Variants in WDR27 observed in about 807,000 individuals in gnomAD.
The protein encoded by WDR27 is WD repeat domain 27, also known as WD repeat-containing protein 27.
Under a neutral mutation model 114.4 loss-of-function variants are expected in WDR27, and 100 were observed. The ratio of observed to expected loss-of-function variants is 0.87; its 90% CI spans 0.74 to 1.03. The LOEUF (loss-of-function observed/expected upper bound fraction) is 1.03, where lower values mean the gene tolerates loss of function less well. Ranked by LOEUF, WDR27 falls within the 50% of genes least tolerant of loss-of-function variation. The pLI, the probability that WDR27 is intolerant of heterozygous loss-of-function variation, is 0.00. For synonymous variants in WDR27, 449 were observed against 423.1 expected (o/e 1.06, Z -0.75); for missense variants, 1,129 against 1,092.9 (o/e 1.03, Z -0.47).
chr6:169,429,208 A>T, the WDR27 span, among the ~76,000 whole-genome samples: 1 of 152,082 alleles, frequency 6.6e-6, no homozygotes, highest in African/African-American at 2.4e-5. Flanking sequence ...TCCTGTCCAC[A>T]GGCCTGAGGA....
chr6:169,496,855 T>G (rs1790471478), intron 25 of WDR27, among the ~76,000 whole-genome samples: 1 of 152,108 alleles, frequency 6.6e-6, no homozygotes. Flanking sequence ...TGTTAAAATA[T>G]CTATATTACC....
intron 13 of WDR27, among the ~76,000 whole-genome samples, chr6:169,657,345 C>T (rs75010113): frequency 0.079 from 11,978 of 152,246 alleles, 573 homozygotes; most frequent in African/African-American, 0.1. Context: ...TCAAGGGCTG[C>T]GTGGGAGCAT....
At position 169,668,317 on chromosome 6, in the gene WDR27, A is replaced by C. The variant is rs574652039; in HGVS notation, c.457-132T>G. ...CAGGCACAGTCTCAGCAGTGTTAAA[A>C]GCCGACACTGACTGGAGCTAACCCT... On this transcript the variant is annotated intron_variant, in intron 4 of 25. Coordinates refer to ENST00000448612, the MANE Select transcript of WDR27 (RefSeq NM_182552.5). 5.8e-6 allele frequency: 5 copies of C among 860,476 alleles called. No individual in the cohort carries two copies. The East Asian group carries it at 1.3e-4, about 23-fold the overall frequency. 53.3% of individuals were successfully genotyped at this position (860,476 alleles called of 1,614,324 possible).
At chr6:169,531,944 G>C (rs1003850352) in intron 25 of WDR27, among the ~76,000 whole-genome samples, 2 of 152,164 alleles carry the variant, frequency 1.3e-5, no homozygotes, top group African/African-American at 4.8e-5. Context: ...TAACCAGTGT[G>C]ATGTGTTAAT....
Position 169,664,218 on chromosome 6 carries a change from C to G in WDR27, c.852G>C (p.Lys284Asn), listed in dbSNP as rs781042104. ...RRVARVDLRK[K>N]TETFSTRRVK... ...CCCTTCTTGTGGAGAAAGTCTCTGT[C>G]TTCTTCCTTAGGTCAACCCGTGCCA... is the stretch of plus-strand genomic sequence containing the variant. Residue 284 changes from lysine (K) to asparagine (N), a missense_variant, in exon 8 of 26, where the codon AAG becomes AAC. Physicochemically the swap from Lys to Asn is moderately conservative, Grantham distance 94. Transcript: ENST00000448612. 1.2e-6 allele frequency: 2 copies of G among 1,612,976 alleles called. No homozygotes were observed. Among genetic ancestry groups the G allele is most frequent in the East Asian group, 4.5e-5 (2 of 44,878 alleles).
chr6:169,541,881 G>A (rs532900359), intron 25 of WDR27, among the ~76,000 whole-genome samples: 5 of 152,108 alleles, frequency 3.3e-5, no homozygotes, highest in Admixed American at 3.3e-4. Context: ...TTTTCTTAAT[G>A]AATGACTATT....
rs1428749817 is a variant in WDR27 at position 169,651,184 on chromosome 6, G to GC, written c.1481+745_1481+746insG. 3.7e-3 allele frequency among the ~76,000 whole-genome samples: 347 copies of GC among 92,540 alleles called. 29 individuals are homozygous for GC. The highest frequency in any genetic ancestry group is 5.8e-3 in the Non-Finnish European group (288 of 49,732). The allele number at this position is 92,540 out of a possible 152,430, so 60.7% of individuals were successfully genotyped here. ...TGCCTGGAGCACAGCAGTGCGGGGC[G>GC]GGGGGGGGGAGTGGGGGAGTGGGGG... On this transcript the variant is annotated intron_variant, in intron 14 of 25. Coordinates refer to ENST00000448612, the MANE Select transcript of WDR27 (RefSeq NM_182552.5).
chr6:169,514,757 A>AATATATAT (rs112203960), intron 25 of WDR27, among the ~76,000 whole-genome samples: 1,976 of 143,506 alleles, frequency 0.014, 40 homozygotes, highest in African/African-American at 0.047. Context: ...AAAAAAAGAG[A>AATATATAT]ATATATATAT....
intron 25 of WDR27, among the ~76,000 whole-genome samples, chr6:169,529,312 C>CT (rs1795307417): frequency 8.7e-6 from 1 of 115,134 alleles, no homozygotes; most frequent in Admixed American, 1.0e-4. Context: ...GTGACCTCTG[C>CT]GGGGGGGGGG....
At chr6:169,626,744 C>T (rs1001302250) in intron 21 of WDR27, among the ~76,000 whole-genome samples, 3 of 152,170 alleles carry the variant, frequency 2.0e-5, no homozygotes, top group Admixed American at 1.3e-4. Flanking sequence ...ACTTCCTTGC[C>T]GAAATGGTCA....
intron 23 of WDR27, among the ~76,000 whole-genome samples, chr6:169,587,283 A>G (rs938577942): frequency 6.2e-4 from 91 of 147,936 alleles, no homozygotes; most frequent in African/African-American, 2.1e-3. Context: ...CAGTGGTGCA[A>G]TCTCAGCTCA....
At chr6:169,485,298 G>A (rs560975432) in intron 25 of WDR27, among the ~76,000 whole-genome samples, 71 of 152,202 alleles carry the variant, frequency 4.7e-4, no homozygotes, top group African/African-American at 1.5e-3. Context: ...TCCAGCATCC[G>A]TAAGGAACTG....
intron 25 of WDR27, among the ~76,000 whole-genome samples, chr6:169,502,985 A>C (rs1055790201): frequency 6.6e-6 from 1 of 152,178 alleles, no homozygotes; most frequent in African/African-American, 2.4e-5. Flanking sequence ...ATTCCATGAA[A>C]TGTCTACCTA....
intron 2 of WDR27, among the ~76,000 whole-genome samples, chr6:169,679,539 G>A (rs1780956424): frequency 1.3e-5 from 2 of 152,140 alleles, no homozygotes; most frequent in African/African-American, 2.4e-5. Context: ...ATCCCTCATG[G>A]CTTAATGCTG....
chr6:169,658,793 T>G (rs1825077001), intron 12 of WDR27, among the ~76,000 whole-genome samples: 2 of 151,898 alleles, frequency 1.3e-5, no homozygotes, highest in Admixed American at 1.3e-4. Flanking sequence ...CCACCATTCT[T>G]CTGCCTCAGC....
chr6:169,611,631 T>G, intron 22 of WDR27, among the ~76,000 whole-genome samples: 1 of 152,236 alleles, frequency 6.6e-6, no homozygotes, highest in Non-Finnish European at 1.5e-5. Context: ...ATTTTATTTC[T>G]TTATATTCTT....
chr6:169,626,330 G>A (rs1363687643), intron 21 of WDR27, among the ~76,000 whole-genome samples: 2 of 152,184 alleles, frequency 1.3e-5, no homozygotes, highest in African/African-American at 2.4e-5. Context: ...CTGTGCTGTA[G>A]TGAGCAGGGT....
chr6:169,508,899 G>A lies in WDR27; in HGVS notation c.2646-51265C>T, dbSNP rs765186925. ...TCATCCTTAAAGTTTTGTCAGAAAC[G>A]GAAGCTACATGTCCTGAGCTGCCCT... On this transcript the variant is annotated intron_variant, in intron 25 of 25. Coordinates refer to ENST00000448612, the MANE Select transcript of WDR27 (RefSeq NM_182552.5). 9.9e-5 allele frequency among the ~76,000 whole-genome samples: 15 copies of A among 152,228 alleles called. 1 individual carries two copies. The Middle Eastern group carries it at 0.014, about 139-fold the overall frequency.
intron 18 of WDR27, among the ~76,000 whole-genome samples, chr6:169,637,670 G>A (rs925822874): frequency 6.6e-6 from 1 of 151,378 alleles, no homozygotes; most frequent in African/African-American, 2.5e-5. Flanking sequence ...GTGAATATGT[G>A]GCAAGTATGT....
Sources: gnomAD v4.1 joint callset for allele counts (sites outside exome capture counted in the v4.1 genomes callset) on GRCh38, gnomAD v4.1.1 for gene constraint, MANE v1.5 for transcripts, NCBI Gene and HGNC (gene_info 2026-07-23, HGNC 2026-07-21) for gene names.